Variants in GATAD2A observed in about 807,000 individuals in gnomAD.
GATAD2A encodes GATA zinc finger domain containing 2A.
Under a neutral mutation model 68.5 loss-of-function variants are expected in GATAD2A, and 12 were observed. The observed-to-expected ratio is 0.18, with a 90% CI of 0.11 to 0.28. The LOEUF is 0.28. Ranked by LOEUF, GATAD2A falls within the 10% of genes least tolerant of loss-of-function variation. GATAD2A has a pLI of 1.00. For missense variants in GATAD2A, 755 were observed against 868.5 expected, an observed-to-expected ratio of 0.87 and a Z score of 1.64; for synonymous variants, 410 against 375.3, an observed-to-expected ratio of 1.09 and a Z score of -1.07.
chr19:19,481,583 C>T (rs1186305236), intron 2 of GATAD2A, among the ~76,000 whole-genome samples: 1 of 152,154 alleles, frequency 6.6e-6, no homozygotes, highest in Non-Finnish European at 1.5e-5. Context: ...ACCTCAGCCT[C>T]CCAAAGCGCT....
At chr19:19,418,606 T>G (rs1405001784) in intron 1 of GATAD2A, among the ~76,000 whole-genome samples, 3 of 152,116 alleles carry the variant, frequency 2.0e-5, no homozygotes, top group Non-Finnish European at 4.4e-5. Flanking sequence ...CTGAGGATTT[T>G]CCAGCTTGAG....
chr19:19,396,784 T>A (rs1215641960), intron 1 of GATAD2A, among the ~76,000 whole-genome samples: 1 of 151,920 alleles, frequency 6.6e-6, no homozygotes, highest in Non-Finnish European at 1.5e-5. Flanking sequence ...TCTCAGCTCA[T>A]TGCAACCTCC....
At chr19:19,456,339 G>C (rs1011496128) in intron 1 of GATAD2A, among the ~76,000 whole-genome samples, 3 of 152,040 alleles carry the variant, frequency 2.0e-5, no homozygotes, top group African/African-American at 7.2e-5. Flanking sequence ...ATCCCTTTCC[G>C]GGGTCAGACA....
At chr19:19,455,403 T>A (rs2056834080) in intron 1 of GATAD2A, among the ~76,000 whole-genome samples, 1 of 151,900 alleles carries the variant, frequency 6.6e-6, no homozygotes, top group Non-Finnish European at 1.5e-5. Flanking sequence ...GGCAGGAGAA[T>A]TGCTTGAACC....
At chr19:19,472,646 T>G (rs2058399047) in intron 2 of GATAD2A, 1 of 152,148 alleles carries the variant, frequency 6.6e-6, no homozygotes, top group Non-Finnish European at 1.5e-5. Flanking sequence ...GATTTGTTTT[T>G]TTTTTTGGAT....
chr19:19,416,034 C>T (rs1385266660), intron 1 of GATAD2A, among the ~76,000 whole-genome samples: 1 of 152,078 alleles, frequency 6.6e-6, no homozygotes, highest in African/African-American at 2.4e-5. Context: ...ATCACAATCA[C>T]TATAGCCTCG....
intron 1 of GATAD2A, among the ~76,000 whole-genome samples, chr19:19,460,980 C>T (rs1379043184): frequency 2.0e-5 from 3 of 152,186 alleles, no homozygotes; most frequent in South Asian, 2.1e-4. Flanking sequence ...TGCTCTGCCT[C>T]GTGTCCCCAC....
intron 5 of GATAD2A, among the ~76,000 whole-genome samples, chr19:19,494,647 A>T (rs1235126661): frequency 2.0e-5 from 3 of 152,212 alleles, no homozygotes; most frequent in African/African-American, 7.2e-5. Context: ...CTTTCCAGTG[A>T]GCGCCCCTAG....
At position 19,494,490 on chromosome 19, in the gene GATAD2A, T is replaced by C. The variant is rs1008581018; in HGVS notation, c.624+107T>C. 18 of 667,170 alleles carry C rather than the reference T, an allele frequency of 2.7e-5. No homozygotes were observed. The African/African-American group carries it at 3.1e-4, about 11-fold the overall frequency. 41.3% of individuals were successfully genotyped at this position (667,170 alleles called of 1,614,324 possible). A position where few individuals can be genotyped will look rare whatever the true frequency, so the allele number is the denominator to read the frequency against. On this transcript the variant is annotated intron_variant, in intron 5 of 11. Coordinates refer to ENST00000683918, the MANE Select transcript of GATAD2A (RefSeq NM_001384528.1). ...CCCTGGCCCAGGTTCTGCAAGAGGT[T>C]GCGCTTTCCTTCTGAGTAGGCTGGA...
chr19:19,461,808 G>A (rs1003824101), intron 1 of GATAD2A, among the ~76,000 whole-genome samples: 2 of 152,222 alleles, frequency 1.3e-5, no homozygotes, highest in African/African-American at 4.8e-5. Flanking sequence ...GAGGAGGAGG[G>A]TGAGGCTGAC....
At chr19:19,431,996 A>T (rs2053805199) in intron 1 of GATAD2A, among the ~76,000 whole-genome samples, 1 of 152,078 alleles carries the variant, frequency 6.6e-6, no homozygotes, top group African/African-American at 2.4e-5. Flanking sequence ...TTATTTTGAG[A>T]TGGAGTTTCA....
chr19:19,491,447 C>A (rs899706303), intron 2 of GATAD2A, among the ~76,000 whole-genome samples: 1 of 152,152 alleles, frequency 6.6e-6, no homozygotes. Context: ...GGTGTGGGGG[C>A]TGGAATCATG....
chr19:19,450,299 C>CA (rs1199242470), intron 1 of GATAD2A, among the ~76,000 whole-genome samples: 1 of 152,190 alleles, frequency 6.6e-6, no homozygotes, highest in African/African-American at 2.4e-5. Context: ...CCTGGGTTGT[C>CA]ACATGTGCCC....
chr19:19,494,360 C>G lies in GATAD2A; in HGVS notation c.601C>G (p.Pro201Ala). Residue 201 changes from proline (P) to alanine (A), a missense_variant, in exon 5 of 12, where the codon CCT becomes GCT. Physicochemically the swap from Pro to Ala is conservative, Grantham distance 27. Coordinates refer to ENST00000683918, the MANE Select transcript of GATAD2A (RefSeq NM_001384528.1). ...PPLVRGTQNI[P>A]AGKPSLQTSS... is the part of the protein sequence containing the mutation. ...GCTTGTTCGGGGCACTCAGAACATT[C>G]CTGCTGGCAAGCCATCACTCCAGGT... 1 of 1,610,820 alleles carries G rather than the reference C, an allele frequency of 6.2e-7. No individual in the cohort carries two copies. Among genetic ancestry groups the G allele is most frequent in the East Asian group, 2.2e-5 (1 of 44,852 alleles).
rs567697586 is a variant in GATAD2A, at chr19:19,422,141, G to T, written c.-7+16122G>T. 5.3e-5 allele frequency among the ~76,000 whole-genome samples: 8 copies of T among 152,208 alleles called. No individual in the cohort carries two copies. In the East Asian group the frequency reaches 1.2e-3, roughly 22 times the overall value. ...CCCAGCCAGACCTTCTTATTTTTAG[G>T]CAGTGATTCTAGTGAAATTTACATT... is the stretch of plus-strand genomic sequence containing the variant. On this transcript the variant is annotated intron_variant, in intron 1 of 11. Transcript: ENST00000683918.
chr19:19,418,367 A>G (rs958444819), intron 1 of GATAD2A, among the ~76,000 whole-genome samples: 1 of 152,196 alleles, frequency 6.6e-6, no homozygotes, highest in Admixed American at 6.5e-5. Flanking sequence ...AAAGTGTGAC[A>G]AGTAATAGTT....
chr19:19,460,381 T>G (rs1334692239), intron 1 of GATAD2A, among the ~76,000 whole-genome samples: 1 of 152,182 alleles, frequency 6.6e-6, no homozygotes, highest in Non-Finnish European at 1.5e-5. Flanking sequence ...TACAGGGTCC[T>G]TGTGTCTTGA....
intron 2 of GATAD2A, among the ~76,000 whole-genome samples, chr19:19,477,325 T>G (rs2058739387): frequency 6.6e-6 from 1 of 152,158 alleles, no homozygotes; most frequent in Admixed American, 6.6e-5. Context: ...AGCTTATATC[T>G]TTAAAATAGT....
chr19:19,464,135 G>A (rs991789307), intron 1 of GATAD2A, among the ~76,000 whole-genome samples: 5 of 152,164 alleles, frequency 3.3e-5, no homozygotes, highest in African/African-American at 1.2e-4. Flanking sequence ...TAAGGCTCTG[G>A]CAAGATGAGT....
Sources: allele counts gnomAD v4.1 joint callset (sites outside exome capture counted in the v4.1 genomes callset), GRCh38; gene constraint gnomAD v4.1.1; transcripts MANE v1.5; gene names NCBI Gene and HGNC (gene_info 2026-07-23, HGNC 2026-07-21).